Variants in SLC39A14 observed in about 807,000 individuals in gnomAD.
SLC39A14 encodes the protein metal cation symporter ZIP14.
Under a neutral mutation model 45.5 loss-of-function variants are expected in SLC39A14, and 19 were observed. The observed-to-expected ratio is 0.42, with a 90% CI of 0.29 to 0.61. The LOEUF (loss-of-function observed/expected upper bound fraction) is 0.61. Among genes scored for constraint, SLC39A14 ranks in the 20% least tolerant of loss-of-function variants. The pLI is 0.22. For synonymous variants in SLC39A14, 264 were observed against 251.3 expected (o/e 1.05, Z -0.48); for missense variants, 447 against 616.5 (o/e 0.73, Z 2.91).
chr8:22,403,505 T>C (rs1306110045), intron 1 of SLC39A14, among the ~76,000 whole-genome samples: 3 of 150,604 alleles, frequency 2.0e-5, no homozygotes, highest in Non-Finnish European at 4.4e-5. Context: ...GGTCTCGAAC[T>C]CCTGACCTTG....
intron 7 of SLC39A14, among the ~76,000 whole-genome samples, chr8:22,417,287 T>G (rs1835943896): frequency 6.6e-6 from 1 of 152,238 alleles, no homozygotes; most frequent in South Asian, 2.1e-4. Context: ...CAGCTGGTCA[T>G]CTATTTTTAA....
intron 8 of SLC39A14, 56 bp downstream of exon 8, chr8:22,417,891 T>C: frequency 1.4e-6 from 2 of 1,452,174 alleles, no homozygotes; most frequent in African/African-American, 2.8e-5. Context: ...GGATGTTAGG[T>C]AGGTAGTTTT....
intron 7 of SLC39A14, among the ~76,000 whole-genome samples, chr8:22,416,860 G>C (rs1047950195): frequency 6.6e-6 from 1 of 152,196 alleles, no homozygotes; most frequent in Admixed American, 6.5e-5. Flanking sequence ...GTTAATAAGA[G>C]CACCTCCTTT....
downstream of SLC39A14, among the ~76,000 whole-genome samples, chr8:22,424,722 AGAAT>A (rs1167799289): frequency 6.6e-6 from 1 of 152,130 alleles, no homozygotes; most frequent in Non-Finnish European, 1.5e-5. Flanking sequence ...CCATATGGAA[AGAAT>A]GAATGAAAAA....
At chr8:22,416,326 T>C (rs1835879203) in intron 7 of SLC39A14, 46 bp downstream of exon 7, 1 of 1,538,000 alleles carries the variant, frequency 6.5e-7, no homozygotes, top group African/African-American at 1.4e-5. Context: ...TGGGTGGTGG[T>C]GTAGGCCCCC....
Position 22,420,974 on chromosome 8 carries a change from TGTCTTTAA to T in SLC39A14, c.*1277_*1284del, listed in dbSNP as rs1836193245. 1 of 985,904 alleles carries T rather than the reference TGTCTTTAA, an allele frequency of 1.0e-6. No homozygotes were observed. The highest frequency in any genetic ancestry group is 1.2e-6 in the Non-Finnish European group (1 of 829,934). The allele number at this position is 985,904 out of a possible 1,614,324, so 61.1% of individuals were successfully genotyped here. ...CTCCAGAAAATGGATGGAGATAACT[TGTCTTTAA>T]AACTGTAGGCCAGCCTTAGCCACTG... On this transcript the variant is annotated 3_prime_UTR_variant, in exon 9 of 9. Coordinates refer to ENST00000381237, the MANE Select transcript of SLC39A14 (RefSeq NM_001128431.4).
In SLC39A14 at chr8:22,404,752, C is replaced by G. The variant is rs1276713866; in HGVS notation, c.42C>G (p.Leu14=). 8 of 1,613,814 alleles carry G rather than the reference C, an allele frequency of 5.0e-6. No homozygotes were observed. The Admixed American group carries it at 1.3e-4, about 27-fold the overall frequency. Residue 14 remains leucine (L), a synonymous_variant, in exon 2 of 9, where the codon CTC becomes CTG. Coordinates refer to ENST00000381237, the MANE Select transcript of SLC39A14 (RefSeq NM_001128431.4). ...LLLHPAFQSC[L]LLTLLGLWRT... ...TGCACCCGGCCTTCCAGAGCTGCCTCCTGCTGACCCTGCTTGGCTTATGGA... is the reference window on the plus strand; with the variant it reads ...TGCACCCGGCCTTCCAGAGCTGCCTGCTGCTGACCCTGCTTGGCTTATGGA...
chr8:22,408,633 C>A, intron 3 of SLC39A14, 137 bp downstream of exon 3: 1 of 777,896 alleles, frequency 1.3e-6, no homozygotes, highest in Non-Finnish European at 2.0e-6. Flanking sequence ...GTGTCAGGAG[C>A]GGGAGCGATG....
intron 1 of SLC39A14, among the ~76,000 whole-genome samples, chr8:22,378,542 C>T (rs541905395): frequency 2.6e-5 from 4 of 152,294 alleles, no homozygotes; most frequent in South Asian, 2.1e-4. Context: ...CCCCATATTT[C>T]CTTTCCATGT....
At chr8:22,391,184 A>T (rs1834052262) in intron 1 of SLC39A14, among the ~76,000 whole-genome samples, 1 of 152,176 alleles carries the variant, frequency 6.6e-6, no homozygotes, top group Non-Finnish European at 1.5e-5. Context: ...AAAATAGCCT[A>T]ACTGCACCCT....
At chr8:22,411,913 A>G in intron 3 of SLC39A14, 124 bp from the exon 4 acceptor site, 2 of 863,472 alleles carry the variant, frequency 2.3e-6, no homozygotes, top group Admixed American at 2.8e-5. Flanking sequence ...ATATCCACCA[A>G]ACTTTTCCTT....
Position 22,367,285 on chromosome 8 carries a change from C to G in SLC39A14, c.-139C>G, listed in dbSNP as rs967788707. 2.0e-5 allele frequency: 3 copies of G among 151,318 alleles called. No homozygotes were observed. Among genetic ancestry groups the G allele is most frequent in the Admixed American group, 6.6e-5 (1 of 15,202 alleles). The allele number at this position is 151,318 out of a possible 1,614,324, so 9.4% of individuals were successfully genotyped here. A position where few individuals can be genotyped will look rare whatever the true frequency, so the allele number is the denominator to read the frequency against. ...CATGCGCGCGGTGCCGGGGCCCGGA[C>G]GCAGTGAGGGGGGTCGGCGCGCGTG... is the stretch of plus-strand genomic sequence containing the variant. On this transcript the variant is annotated 5_prime_UTR_variant, in exon 1 of 9. Transcript: ENST00000381237. This position sits in a 1 kb window ranked among gnomAD's most constrained non-coding sequence, Gnocchi z 4.2.
At chr8:22,404,215 C>T (rs1270504446) in intron 1 of SLC39A14, among the ~76,000 whole-genome samples, 1 of 151,968 alleles carries the variant, frequency 6.6e-6, no homozygotes, top group Non-Finnish European at 1.5e-5. Flanking sequence ...CCTGAGGTCA[C>T]GAGTTCGAGA....
At chr8:22,395,943 C>T (rs564101190) in intron 1 of SLC39A14, among the ~76,000 whole-genome samples, 6 of 152,182 alleles carry the variant, frequency 3.9e-5, no homozygotes, top group Non-Finnish European at 5.9e-5. Flanking sequence ...GTATTTATGA[C>T]CTGTTTTCTG....
Position 22,415,948 on chromosome 8 carries a change from C to G in SLC39A14, c.930C>G (p.Leu310=), listed in dbSNP as rs765420869. The part of the protein sequence containing the change: ...MVDEKVIVGS[L]SVQDLQASQS... Reference sequence around the variant, plus strand: ...ACGAGAAGGTCATTGTGGGCTCGCTCTCTGTGCAGGTCAGTGGGCCACCAG... The same window carrying G: ...ACGAGAAGGTCATTGTGGGCTCGCTGTCTGTGCAGGTCAGTGGGCCACCAG... Residue 310 remains leucine (L), a synonymous_variant, in exon 6 of 9, where the codon CTC becomes CTG. Coordinates refer to ENST00000381237, the MANE Select transcript of SLC39A14 (RefSeq NM_001128431.4). 5 of 1,605,560 alleles carry G rather than the reference C, an allele frequency of 3.1e-6. No individual in the cohort carries two copies. The South Asian group carries it at 3.3e-5, about 11-fold the overall frequency.
intron 1 of SLC39A14, among the ~76,000 whole-genome samples, chr8:22,397,595 A>G (rs1342600661): frequency 6.6e-6 from 1 of 151,902 alleles, no homozygotes; most frequent in African/African-American, 2.4e-5. Flanking sequence ...GTCCCAAAAA[A>G]AAAAAAGAAA....
intron 1 of SLC39A14, among the ~76,000 whole-genome samples, chr8:22,380,388 A>G (rs1833441573): frequency 6.6e-6 from 1 of 152,192 alleles, no homozygotes; most frequent in Non-Finnish European, 1.5e-5. Flanking sequence ...TGTTTGGTCC[A>G]GCAGTCTTGA....
At chr8:22,374,303 A>G (rs901961791) in intron 1 of SLC39A14, among the ~76,000 whole-genome samples, 5 of 152,094 alleles carry the variant, frequency 3.3e-5, no homozygotes, top group African/African-American at 4.8e-5. Context: ...GCTGAGTACC[A>G]TCTCCATTCC....
chr8:22,393,957 G>A (rs1420222454), intron 1 of SLC39A14, among the ~76,000 whole-genome samples: 1 of 151,800 alleles, frequency 6.6e-6, no homozygotes, highest in East Asian at 1.9e-4. Flanking sequence ...ACAGACATGG[G>A]CCACCGCCCC....
Sources: gnomAD v4.1 joint callset for allele counts (sites outside exome capture counted in the v4.1 genomes callset) on GRCh38, gnomAD v4.1.1 for gene constraint, Gnocchi (gnomAD v3.1) non-coding constraint, MANE v1.5 for transcripts, NCBI Gene and HGNC (gene_info 2026-07-23, HGNC 2026-07-21) for gene names.